The following SNX8 variants were observed in gnomAD, a reference collection of about 807,000 sequenced individuals.
The protein encoded by SNX8 is sorting nexin 8, also known as sorting nexin-8.
A neutral mutation model predicts 51.6 loss-of-function variants in SNX8; 25 were observed. That is an observed-to-expected ratio of 0.48 (90% CI 0.35 to 0.68). The LOEUF is 0.68. Among genes scored for constraint, SNX8 ranks in the 30% least tolerant of loss-of-function variants. SNX8 has a pLI of 0.00. For synonymous variants in SNX8, 324 were observed against 277.0 expected (o/e 1.17, Z -1.68); for missense variants, 695 against 624.0 (o/e 1.11, Z -1.21).
At chr7:2,293,825 T>C (rs1333542480) in intron 1 of SNX8, among the ~76,000 whole-genome samples, 1 of 144,712 alleles carries the variant, frequency 6.9e-6, no homozygotes, top group East Asian at 2.1e-4. Flanking sequence ...TAGCTGGGTG[T>C]GGTGGTGCGT....
rs1795147402 is a variant in SNX8, at chr7:2,255,173, A to C, written c.1285-4T>G. 1 of 1,525,412 alleles carries C rather than the reference A, an allele frequency of 6.6e-7. No homozygotes were observed. Among genetic ancestry groups the C allele is most frequent in the Admixed American group, 2.0e-5 (1 of 49,748 alleles). 94.5% of individuals were successfully genotyped at this position (1,525,412 alleles called of 1,614,324 possible). A position where few individuals can be genotyped will look rare whatever the true frequency, so the allele number is the denominator to read the frequency against. On this transcript the variant is annotated splice_polypyrimidine_tract_variant and splice_region_variant and intron_variant, in intron 10 of 10. Coordinates refer to ENST00000222990, the MANE Select transcript of SNX8 (RefSeq NM_013321.4). ...GGTCGTTCCACACCTTGCTCATCTG[A>C]AAGGGAAGCGAAGAGAACAAGATCA...
intron 1 of SNX8, among the ~76,000 whole-genome samples, chr7:2,320,663 G>A (rs1420350294): frequency 6.6e-6 from 1 of 152,176 alleles, no homozygotes; most frequent in Non-Finnish European, 1.5e-5. Context: ...GGTCGAGGCT[G>A]CAGTGAGCCA....
intron 1 of SNX8, among the ~76,000 whole-genome samples, chr7:2,328,904 T>A (rs1317306706): frequency 6.6e-6 from 1 of 151,924 alleles, no homozygotes; most frequent in African/African-American, 2.4e-5. Context: ...GCTAACATGG[T>A]GAAACCCCGT....
rs532264130 is a variant in SNX8 at position 2,297,548 on chromosome 7, C to T, written c.94+16780G>A. 5.9e-4 allele frequency among the ~76,000 whole-genome samples: 27 copies of T among 46,088 alleles called. 2 individuals carry two copies. In the South Asian group the frequency reaches 0.011, roughly 19 times the overall value. The allele number at this position is 46,088 out of a possible 152,430, so 30.2% of individuals were successfully genotyped here. On this transcript the variant is annotated intron_variant, in intron 1 of 10. Transcript: ENST00000222990. Reference sequence around the variant, plus strand: ...CTGGGCAACAGGAGCAAAACCCCGCCGCAAAAAAAAAAAAAAAAAAAAAAA... The same window carrying T: ...CTGGGCAACAGGAGCAAAACCCCGCTGCAAAAAAAAAAAAAAAAAAAAAAA...
Position 2,269,523 on chromosome 7 carries a change from T to TTA in SNX8, c.621+35_621+36insTA. ...AAGAATGATCAATAAAAAAATAAAT[T>TTA]AAAAAAAAAAAAAAAGAAAAAAAAA... is the stretch of plus-strand genomic sequence containing the variant. On this transcript the variant is annotated intron_variant, in intron 5 of 10. Transcript: ENST00000222990. 5 of 893,714 alleles carry TTA rather than the reference T, an allele frequency of 5.6e-6. No homozygotes were observed. The South Asian group carries it at 6.2e-5, about 11-fold the overall frequency. The allele number at this position is 893,714 out of a possible 1,614,324, so 55.4% of individuals were successfully genotyped here.
chr7:2,284,743 AACG>A, intron 1 of SNX8, among the ~76,000 whole-genome samples: 2 of 152,016 alleles, frequency 1.3e-5, no homozygotes, highest in South Asian at 4.2e-4. Flanking sequence ...GAGAATGAAA[AACG>A]ACAAGTCAGA....
At chr7:2,293,924 C>G (rs1047753142) in intron 1 of SNX8, among the ~76,000 whole-genome samples, 1 of 151,674 alleles carries the variant, frequency 6.6e-6, no homozygotes, top group Admixed American at 6.6e-5. Context: ...CGAGATCACA[C>G]CAGTGCACTC....
rs1311402516 is a variant in SNX8 at position 2,253,218 on chromosome 7, T to C, written c.*1838A>G. The C allele has an allele frequency of 6.9e-6, 1 of 144,882 alleles. No homozygotes were observed. The highest frequency in any genetic ancestry group is 1.5e-5 in the Non-Finnish European group (1 of 65,610). 9.0% of individuals were successfully genotyped at this position (144,882 alleles called of 1,614,324 possible). A position where few individuals can be genotyped will look rare whatever the true frequency, so the allele number is the denominator to read the frequency against. On this transcript the variant is annotated 3_prime_UTR_variant, in exon 11 of 11. Coordinates refer to ENST00000222990, the MANE Select transcript of SNX8 (RefSeq NM_013321.4). Reference sequence around the variant, plus strand: ...AGGAAAGCTCCTTCAGAAAAGCTCATTCTGAAGTCTTGCTCAATCCTTGGG... The same window carrying C: ...AGGAAAGCTCCTTCAGAAAAGCTCACTCTGAAGTCTTGCTCAATCCTTGGG...
intron 9 of SNX8, 61 bp from the exon 10 acceptor site, chr7:2,257,084 C>T (rs370068166): frequency 5.4e-5 from 81 of 1,513,040 alleles, no homozygotes; most frequent in Middle Eastern, 4.5e-4. Context: ...CACCAAGGCC[C>T]GAACACCAGC....
At chr7:2,345,632 C>T (rs933918682) in intron 1 of SNX8, among the ~76,000 whole-genome samples, 9 of 150,714 alleles carry the variant, frequency 6.0e-5, no homozygotes, top group Non-Finnish European at 1.0e-4. Context: ...GAGCCAAGAT[C>T]GTGCCACTAC....
At chr7:2,345,210 G>T (rs1242038337) in intron 1 of SNX8, among the ~76,000 whole-genome samples, 1 of 152,144 alleles carries the variant, frequency 6.6e-6, no homozygotes, top group African/African-American at 2.4e-5. Context: ...TTATACGAAT[G>T]TGAAGTGAAT....
intron 1 of SNX8, among the ~76,000 whole-genome samples, chr7:2,312,852 G>A (rs1056532344): frequency 6.6e-6 from 1 of 151,896 alleles, no homozygotes; most frequent in African/African-American, 2.4e-5. Flanking sequence ...CAGAAATAAG[G>A]GGCACCCTCC....
chr7:2,267,348 C>T (rs1451654132), intron 5 of SNX8, among the ~76,000 whole-genome samples: 1 of 141,448 alleles, frequency 7.1e-6, no homozygotes, highest in African/African-American at 2.6e-5. Context: ...CTCTCCCTCA[C>T]CCCACAGTCT....
Position 2,264,290 on chromosome 7 carries a change from T to TC in SNX8, c.782+7dup, listed in dbSNP as rs771595019. ...GCGTGCCCCTGCAGAAGCTGAAAGG[T>TC]CACCTACCTTAGCTCCTTCCCGAAT... On this transcript the variant is annotated splice_region_variant and intron_variant, in intron 6 of 10. Transcript: ENST00000222990. 1.2e-5 allele frequency: 20 copies of TC among 1,604,112 alleles called. No individual in the cohort carries two copies. The South Asian group carries it at 2.1e-4, about 17-fold the overall frequency.
chr7:2,309,989 G>C (rs1796629306), intron 1 of SNX8: 1 of 412,792 alleles, frequency 2.4e-6, no homozygotes, highest in Non-Finnish European at 4.9e-6. Context: ...ACAGCACGGA[G>C]CTTCCGAACC....
At chr7:2,300,441 G>C (rs1796365436) in intron 1 of SNX8, among the ~76,000 whole-genome samples, 1 of 152,034 alleles carries the variant, frequency 6.6e-6, no homozygotes, top group African/African-American at 2.4e-5. Flanking sequence ...ACAGAGTCTT[G>C]ATCTGTTGTC....
intron 1 of SNX8, among the ~76,000 whole-genome samples, chr7:2,328,750 G>C (rs1778672811): frequency 6.6e-6 from 1 of 151,406 alleles, no homozygotes; most frequent in African/African-American, 2.4e-5. Flanking sequence ...AGGAGATCGA[G>C]ACCATCCTGG....
chr7:2,327,586 T>C (rs1778646050), intron 1 of SNX8, among the ~76,000 whole-genome samples: 1 of 152,164 alleles, frequency 6.6e-6, no homozygotes, highest in South Asian at 2.1e-4. Context: ...TTTTTGTGTT[T>C]TTAGTAGAGA....
At chr7:2,263,806 T>G (rs901266623) in intron 6 of SNX8, among the ~76,000 whole-genome samples, 3 of 151,932 alleles carry the variant, frequency 2.0e-5, no homozygotes, top group Admixed American at 2.0e-4. Flanking sequence ...CTCCGCCTCC[T>G]AGGTTCAAGC....
Sources: allele counts gnomAD v4.1 joint callset (sites outside exome capture counted in the v4.1 genomes callset), GRCh38; gene constraint gnomAD v4.1.1; transcripts MANE v1.5; gene names NCBI Gene and HGNC (gene_info 2026-07-23, HGNC 2026-07-21).